PPFIA2: variants seen among roughly 807,000 people sequenced by gnomAD.
PPFIA2 encodes liprin-alpha-2.
PPFIA2 carries 46 observed loss-of-function variants against 175.5 expected under a neutral mutation model. That is an observed-to-expected ratio of 0.26 (90% CI 0.21 to 0.34). The LOEUF (loss-of-function observed/expected upper bound fraction) is 0.34. PPFIA2 is among the 10% of genes least tolerant of loss of function. The pLI, the probability that PPFIA2 is intolerant of heterozygous loss-of-function variation, is 1.00. For missense variants in PPFIA2, 1,179 were observed against 1,506.1 expected (o/e 0.78, Z 3.60); for synonymous variants, 568 against 511.4 (o/e 1.11, Z -1.49).
chr12:81,552,413 C>T (rs1353076296), intron 4 of PPFIA2, among the ~76,000 whole-genome samples: 1 of 151,346 alleles, frequency 6.6e-6, no homozygotes, highest in African/African-American at 2.4e-5. Flanking sequence ...ATTACAGAGA[C>T]AGGTATTTAC....
chr12:81,499,569 C>T (rs1052252615), intron 4 of PPFIA2, among the ~76,000 whole-genome samples: 2 of 152,146 alleles, frequency 1.3e-5, no homozygotes, highest in Admixed American at 1.3e-4. Flanking sequence ...TAGCTTTGTA[C>T]TGTGCTAAAC....
intron 7 of PPFIA2, among the ~76,000 whole-genome samples, chr12:81,409,679 T>C (rs894667474): frequency 2.0e-5 from 3 of 152,146 alleles, no homozygotes; most frequent in African/African-American, 7.2e-5. Context: ...TATTCTGTTA[T>C]AGCAACACAA....
chr12:81,541,238 A>G (rs2066163928), intron 4 of PPFIA2, among the ~76,000 whole-genome samples: 1 of 152,094 alleles, frequency 6.6e-6, no homozygotes, highest in African/African-American at 2.4e-5. Flanking sequence ...CCCATATTAT[A>G]AACAGTTCAT....
rs548165874 is a variant in PPFIA2, at chr12:81,674,876, G to C, written c.303+1915C>G. 4.2e-3 allele frequency among the ~76,000 whole-genome samples: 638 copies of C among 151,918 alleles called. 3 individuals carry two copies. Among genetic ancestry groups the C allele is most frequent in the African/African-American group, 0.014 (601 of 41,472 alleles). On this transcript the variant is annotated intron_variant, in intron 4 of 32. Transcript: ENST00000549396. ...GATACCTTAGATACTTAGGGCTAAA[G>C]AAAATGACTGTTACATAGCTCCCGG...
chr12:81,545,082 T>C (rs1342082019), intron 4 of PPFIA2, among the ~76,000 whole-genome samples: 12 of 144,294 alleles, frequency 8.3e-5, no homozygotes, highest in Non-Finnish European at 7.9e-5. Flanking sequence ...TCACAGGTTT[T>C]AGAAATAAAA....
intron 4 of PPFIA2, among the ~76,000 whole-genome samples, chr12:81,583,184 T>C (rs1386739472): frequency 6.6e-6 from 1 of 151,776 alleles, no homozygotes; most frequent in Non-Finnish European, 1.5e-5. Flanking sequence ...ACATCTATTA[T>C]CCCCCAAAAA....
chr12:81,312,737 C>T (rs906932255), intron 22 of PPFIA2, among the ~76,000 whole-genome samples: 4 of 152,134 alleles, frequency 2.6e-5, no homozygotes, highest in Non-Finnish European at 5.9e-5. Flanking sequence ...AGATTCTGAT[C>T]TTCAATTTCC....
At chr12:81,275,134 C>A (rs184183220) in intron 28 of PPFIA2, among the ~76,000 whole-genome samples, 2 of 152,320 alleles carry the variant, frequency 1.3e-5, no homozygotes, top group African/African-American at 4.8e-5. Context: ...CACATGCAAA[C>A]TTCCTTCTGG....
intron 8 of PPFIA2, among the ~76,000 whole-genome samples, chr12:81,386,641 T>C (rs1263376879): frequency 1.3e-5 from 2 of 151,708 alleles, no homozygotes; most frequent in African/African-American, 2.4e-5. Context: ...ATGATAATAA[T>C]AATAATAATG....
intron 4 of PPFIA2, among the ~76,000 whole-genome samples, chr12:81,517,433 T>C (rs1567159400): frequency 6.6e-6 from 1 of 152,090 alleles, no homozygotes; most frequent in East Asian, 1.9e-4. Flanking sequence ...CCTGCACCAG[T>C]GAAAATCATT....
At chr12:81,380,234 A>C (rs2037337090) in intron 9 of PPFIA2, among the ~76,000 whole-genome samples, 1 of 152,094 alleles carries the variant, frequency 6.6e-6, no homozygotes, top group South Asian at 2.1e-4. Context: ...ACATCGTGAC[A>C]TGTGCCCTGT....
chr12:81,644,567 C>T (rs1167400498), intron 4 of PPFIA2, among the ~76,000 whole-genome samples: 1 of 151,724 alleles, frequency 6.6e-6, no homozygotes, highest in Non-Finnish European at 1.5e-5. Flanking sequence ...CTATTTTCTA[C>T]CTTTTTAGTT....
chr12:81,605,929 A>T (rs2060264013), intron 4 of PPFIA2, among the ~76,000 whole-genome samples: 1 of 151,848 alleles, frequency 6.6e-6, no homozygotes, highest in Admixed American at 6.6e-5. Flanking sequence ...GGTAGTGAGC[A>T]TAATAGCCAA....
At chr12:81,660,359 G>A (rs2068595114) in intron 4 of PPFIA2, among the ~76,000 whole-genome samples, 1 of 152,202 alleles carries the variant, frequency 6.6e-6, no homozygotes, top group South Asian at 2.1e-4. Context: ...TAAAGGACCT[G>A]ATGGACCTGA....
chr12:81,360,950 T>C (rs1272271986), intron 15 of PPFIA2, among the ~76,000 whole-genome samples: 1 of 151,706 alleles, frequency 6.6e-6, no homozygotes, highest in Non-Finnish European at 1.5e-5. Flanking sequence ...CAAATATGTA[T>C]TTATTTAGAA....
In PPFIA2 at chr12:81,720,985, G is replaced by A. The variant is rs763881398; in HGVS notation, c.249+32988C>T. On this transcript the variant is annotated intron_variant, in intron 3 of 32. Transcript: ENST00000549396. ...TTCTAATAACAAATCAGTTAAAATC[G>A]GCACATAAGATGAACTATAAATCTT... 2.7e-5 allele frequency among the ~76,000 whole-genome samples: 4 copies of A among 150,534 alleles called. No individual in the cohort carries two copies. In the East Asian group the frequency reaches 5.9e-4, roughly 22 times the overall value.
rs923570750 is a variant in PPFIA2, at chr12:81,530,407, C to G, written c.304-72541G>C. ...AGAAGGTGAATAGAACTTAAATACT[C>G]TCTCCTAAGAGCCAAAGAAATGCAA... On this transcript the variant is annotated intron_variant, in intron 4 of 32. Coordinates refer to ENST00000549396, the MANE Select transcript of PPFIA2 (RefSeq NM_003625.5). Among the ~76,000 whole-genome samples the G allele has an allele frequency of 4.6e-5, 7 of 152,064 alleles. 1 individual carries two copies. The South Asian group carries it at 8.3e-4, about 18-fold the overall frequency.
intron 4 of PPFIA2, among the ~76,000 whole-genome samples, chr12:81,519,805 T>C (rs2062892943): frequency 6.6e-6 from 1 of 152,234 alleles, no homozygotes; most frequent in Non-Finnish European, 1.5e-5. Flanking sequence ...AGTCCCCCGT[T>C]ATCCATGGAG....
chr12:81,314,120 A>G (rs1327244290), intron 22 of PPFIA2, among the ~76,000 whole-genome samples: 1 of 151,900 alleles, frequency 6.6e-6, no homozygotes, highest in Non-Finnish European at 1.5e-5. Context: ...TCACTTTAGA[A>G]TGTTAAGAAT....
Sources: allele counts gnomAD v4.1 joint callset (sites outside exome capture counted in the v4.1 genomes callset), GRCh38; gene constraint gnomAD v4.1.1; transcripts MANE v1.5; gene names NCBI Gene and HGNC (gene_info 2026-07-23, HGNC 2026-07-21).